ATP2B4: variants seen among roughly 807,000 people sequenced by gnomAD.
The protein encoded by ATP2B4 is plasma membrane calcium-transporting ATPase 4.
In ATP2B4, 39 loss-of-function variants were observed where a neutral mutation model predicts 110.3. The observed-to-expected ratio is 0.35, with a 90% confidence interval of 0.27 to 0.46. The LOEUF is 0.46. ATP2B4 is among the 20% of genes least tolerant of loss of function. The probability of loss-of-function intolerance (pLI) is 1.00; values close to 1 mark genes in which losing one functional copy is unlikely to be tolerated. For synonymous variants in ATP2B4, 538 were observed against 571.7 expected (o/e 0.94, Z 0.84); for missense variants, 1,135 against 1,530.9 (o/e 0.74, Z 4.32).
chr1:203,673,491 T>A lies in ATP2B4; in HGVS notation c.-464-9251T>A, dbSNP rs140285902. Among the ~76,000 whole-genome samples the A allele has an allele frequency of 2.3e-4, 35 of 152,326 alleles. 1 individual carries two copies. In the East Asian group the frequency reaches 5.6e-3, roughly 24 times the overall value. On this transcript the variant is annotated intron_variant, in intron 1 of 20. Transcript: ENST00000357681. ...AGCGATCATTCCTGGCCACCTTTTT[T>A]AATAAGCACTGTCTTTTCAGCATGG...
At chr1:203,694,233 C>T (rs772671850) in intron 2 of ATP2B4, among the ~76,000 whole-genome samples, 3 of 152,182 alleles carry the variant, frequency 2.0e-5, no homozygotes, top group Admixed American at 6.5e-5. Flanking sequence ...ATGTGCTGGG[C>T]AATGCTGTAG....
In ATP2B4 at chr1:203,683,082, C is replaced by A; in HGVS notation, c.-124C>A. 2 of 1,089,930 alleles carry A rather than the reference C, an allele frequency of 1.8e-6. No homozygotes were observed. The highest frequency in any genetic ancestry group is 2.6e-6 in the Non-Finnish European group (2 of 756,086). The allele number at this position is 1,089,930 out of a possible 1,614,324, so 67.5% of individuals were successfully genotyped here. A position where few individuals can be genotyped will look rare whatever the true frequency, so the allele number is the denominator to read the frequency against. On this transcript the variant is annotated 5_prime_UTR_variant, in exon 2 of 21. Coordinates refer to ENST00000357681, the MANE Select transcript of ATP2B4 (RefSeq NM_001684.5). ...GCACAAGATATATTCAATCTATTCC[C>A]TCACTGGGCCCCCAGAGAAGCAAGA...
chr1:203,693,030 G>T (rs1352859253), intron 2 of ATP2B4, among the ~76,000 whole-genome samples: 1 of 152,172 alleles, frequency 6.6e-6, no homozygotes, highest in East Asian at 1.9e-4. Context: ...TTTCCCCTCA[G>T]TTTCCTGAGG....
At chr1:203,652,148 T>C (rs1664017423) in intron 1 of ATP2B4, among the ~76,000 whole-genome samples, 2 of 149,774 alleles carry the variant, frequency 1.3e-5, no homozygotes, top group Non-Finnish European at 3.0e-5. Flanking sequence ...CTTCTTCTTT[T>C]TTTTTTTTTT....
chr1:203,723,461 C>CCCTCTGACTCTCTCTCTCTCT (rs1666408151), intron 18 of ATP2B4, among the ~76,000 whole-genome samples: 2 of 67,678 alleles, frequency 3.0e-5, no homozygotes, highest in African/African-American at 1.0e-4. Context: ...TCTCTCTCTC[C>CCCTCTGACTCTCTCTCTCTCT]CTCTGCCTCT....
At chr1:203,706,449 G>A (rs532851211) in intron 8 of ATP2B4, among the ~76,000 whole-genome samples, 2 of 152,294 alleles carry the variant, frequency 1.3e-5, no homozygotes, top group Admixed American at 6.5e-5. Context: ...TCTTCTATGT[G>A]TGCCGTGACA....
intron 1 of ATP2B4, among the ~76,000 whole-genome samples, chr1:203,672,610 G>A (rs1035534589): frequency 1.3e-5 from 2 of 152,222 alleles, no homozygotes; most frequent in East Asian, 1.9e-4. Flanking sequence ...GGTGAGCCTG[G>A]TGCTTCTTCT....
chr1:203,724,866 T>TCTC lies in ATP2B4; in HGVS notation c.3132+878_3132+879insCTC, dbSNP rs1558053232. Among the ~76,000 whole-genome samples the TCTC allele has an allele frequency of 4.8e-4, 52 of 109,150 alleles. 1 individual carries two copies. The highest frequency in any genetic ancestry group is 2.3e-3 in the Admixed American group (22 of 9,602). The allele number at this position is 109,150 out of a possible 152,430, so 71.6% of individuals were successfully genotyped here. A position where few individuals can be genotyped will look rare whatever the true frequency, so the allele number is the denominator to read the frequency against. ...CTGCCTGGGTTTGAATCCAGCTCTCTGTTTTTTTTTTTTTTTTTTTTTTTT... is the reference window on the plus strand; with the variant it reads ...CTGCCTGGGTTTGAATCCAGCTCTCTCTCGTTTTTTTTTTTTTTTTTTTTTTTT... On this transcript the variant is annotated intron_variant, in intron 19 of 20. Transcript: ENST00000357681.
At chr1:203,700,954 C>A in intron 6 of ATP2B4, 31 bp downstream of exon 6, 1 of 1,601,624 alleles carries the variant, frequency 6.2e-7, no homozygotes, top group Non-Finnish European at 8.5e-7. Flanking sequence ...GATTCTCTTT[C>A]CTCTCATCCC....
rs1666953049 is a variant in ATP2B4, at chr1:203,739,540, G to T, written c.3310-6G>T. 1 of 1,611,654 alleles carries T rather than the reference G, an allele frequency of 6.2e-7. No homozygotes were observed. Among genetic ancestry groups the T allele is most frequent in the Non-Finnish European group, 8.5e-7 (1 of 1,178,528 alleles). On this transcript the variant is annotated splice_region_variant and splice_polypyrimidine_tract_variant and intron_variant, in intron 20 of 20. Coordinates refer to ENST00000357681, the MANE Select transcript of ATP2B4 (RefSeq NM_001684.5). ...TCTCATCCTCCTTTTCCTTCCCCTG[G>T]TATAGATCAAAGTGGTCAAAGCGTT... is the stretch of plus-strand genomic sequence containing the variant.
At chr1:203,685,395 T>A (rs1418888112) in intron 2 of ATP2B4, among the ~76,000 whole-genome samples, 1 of 152,242 alleles carries the variant, frequency 6.6e-6, no homozygotes, top group East Asian at 1.9e-4. Flanking sequence ...GGAGCAAAGA[T>A]CTTGTCCATT....
At chr1:203,667,822 G>A (rs145074404) in intron 1 of ATP2B4, among the ~76,000 whole-genome samples, 1 of 152,312 alleles carries the variant, frequency 6.6e-6, no homozygotes, top group East Asian at 1.9e-4. Flanking sequence ...TGCTTACAGA[G>A]AGAGGGCCCA....
rs1261242128 is a variant in ATP2B4, at chr1:203,678,623, C to T, written c.-464-4119C>T. 3.3e-5 allele frequency among the ~76,000 whole-genome samples: 5 copies of T among 152,206 alleles called. No homozygotes were observed. In the South Asian group the frequency reaches 6.2e-4, roughly 19 times the overall value. ...TTCACCGTGTTACCTAGGCTGGTATCGAACTCCTGAGTTCAAGCGATTCTC... is the reference window on the plus strand; with the variant it reads ...TTCACCGTGTTACCTAGGCTGGTATTGAACTCCTGAGTTCAAGCGATTCTC... On this transcript the variant is annotated intron_variant, in intron 1 of 20. Coordinates refer to ENST00000357681, the MANE Select transcript of ATP2B4 (RefSeq NM_001684.5).
At chr1:203,651,891 C>G (rs1483416783) in intron 1 of ATP2B4, among the ~76,000 whole-genome samples, 3 of 150,946 alleles carry the variant, frequency 2.0e-5, no homozygotes, top group African/African-American at 7.3e-5. Flanking sequence ...AACCCCGTCT[C>G]TACTAAAAAT....
chr1:203,652,959 T>G (rs1664043003), intron 1 of ATP2B4, among the ~76,000 whole-genome samples: 1 of 152,102 alleles, frequency 6.6e-6, no homozygotes, highest in African/African-American at 2.4e-5. Context: ...TCACTAGAAA[T>G]CAAAAGCTAG....
intron 1 of ATP2B4, chr1:203,657,146 T>C: frequency 1.2e-6 from 1 of 830,674 alleles, no homozygotes; most frequent in Non-Finnish European, 2.1e-6. Flanking sequence ...GATGAGGGAT[T>C]CTTCTTTACA....
rs1480705926 is a variant in ATP2B4, at chr1:203,629,511, A to C, written c.-465+2292A>C. Among the ~76,000 whole-genome samples the C allele has an allele frequency of 6.6e-6, 1 of 152,058 alleles. No homozygotes were observed. The highest frequency in any genetic ancestry group is 2.4e-5 in the African/African-American group (1 of 41,416). On this transcript the variant is annotated intron_variant, in intron 1 of 20. Transcript: ENST00000357681. The surrounding 1 kb of genome is among the most constrained non-coding windows in gnomAD (Gnocchi z 4.6). ...TATTTAGCGCGCACCGGGTCGCCTG[A>C]GCCCGGGGTCGCGGCCAAAGGGGTA... is the stretch of plus-strand genomic sequence containing the variant.
rs752545506 is a variant in ATP2B4 at position 203,639,958 on chromosome 1, A to G, written c.-465+12739A>G. Reference sequence around the variant, plus strand: ...TTTCAGAGGCAATGTGGTATAAAGGATAAAGGAGTGGATTTAGCTTCAGTT... The same window carrying G: ...TTTCAGAGGCAATGTGGTATAAAGGGTAAAGGAGTGGATTTAGCTTCAGTT... On this transcript the variant is annotated intron_variant, in intron 1 of 20. Transcript: ENST00000357681. Among the ~76,000 whole-genome samples, 3 of 152,196 alleles carry G rather than the reference A, an allele frequency of 2.0e-5. No individual in the cohort carries two copies. In the South Asian group the frequency reaches 6.2e-4, roughly 32 times the overall value.
rs1664823329 is a variant in ATP2B4, at chr1:203,676,171, C to G, written c.-464-6571C>G. Among the ~76,000 whole-genome samples the G allele has an allele frequency of 2.0e-5, 3 of 152,326 alleles. No individual in the cohort carries two copies. In the South Asian group the frequency reaches 6.2e-4, roughly 32 times the overall value. ...TCCCACCCGCCACCTGAACTTTAGC[C>G]AACACCTGCTGCCTCTGACCTTGTT... On this transcript the variant is annotated intron_variant, in intron 1 of 20. Coordinates refer to ENST00000357681, the MANE Select transcript of ATP2B4 (RefSeq NM_001684.5).
Sources: allele counts gnomAD v4.1 joint callset (sites outside exome capture counted in the v4.1 genomes callset), GRCh38; gene constraint gnomAD v4.1.1; non-coding constraint Gnocchi (gnomAD v3.1); transcripts MANE v1.5; gene names NCBI Gene and HGNC (gene_info 2026-07-23, HGNC 2026-07-21).